Variants in CAMKMT observed in about 807,000 individuals in gnomAD.
CAMKMT encodes the protein calmodulin-lysine N-methyltransferase.
A neutral mutation model predicts 48.0 loss-of-function variants in CAMKMT; 53 were observed. The ratio of observed to expected loss-of-function variants is 1.10; its 90% CI spans 0.89 to 1.39. CAMKMT has a LOEUF of 1.39. Ranked by LOEUF, CAMKMT falls within the 40% of genes most tolerant of loss-of-function variation. The probability of loss-of-function intolerance (pLI) is 0.00; values close to 1 mark genes in which losing one functional copy is unlikely to be tolerated. For missense variants in CAMKMT, 428 were observed against 402.7 expected (o/e 1.06, Z -0.54); for synonymous variants, 165 against 152.3 (o/e 1.08, Z -0.61).
At chr2:44,396,376 A>T (rs561324414) in intron 3 of CAMKMT, among the ~76,000 whole-genome samples, 1 of 152,184 alleles carries the variant, frequency 6.6e-6, no homozygotes, top group African/African-American at 2.4e-5. Context: ...TATTTTCTTT[A>T]TAAAGAGCTC....
At chr2:44,690,780 A>G (rs1411682722) in intron 3 of CAMKMT, among the ~76,000 whole-genome samples, 1 of 152,008 alleles carries the variant, frequency 6.6e-6, no homozygotes, top group African/African-American at 2.4e-5. Flanking sequence ...GTTCGAGACC[A>G]GACTGACTAA....
intron 3 of CAMKMT, among the ~76,000 whole-genome samples, chr2:44,458,822 T>C (rs977256778): frequency 6.6e-6 from 1 of 152,236 alleles, no homozygotes; most frequent in African/African-American, 2.4e-5. Flanking sequence ...AGTGTTTTTT[T>C]TCTTCTTCCT....
chr2:44,708,533 G>A (rs1381708956), intron 6 of CAMKMT, among the ~76,000 whole-genome samples: 3 of 152,114 alleles, frequency 2.0e-5, no homozygotes, highest in Admixed American at 2.0e-4. Context: ...ATTCAGGAAG[G>A]AAAAACAGCC....
chr2:44,530,362 A>G (rs1266018713), intron 3 of CAMKMT, among the ~76,000 whole-genome samples: 2 of 152,236 alleles, frequency 1.3e-5, no homozygotes. Context: ...ACTTAAAAAT[A>G]TTTAATTAAA....
At chr2:44,392,378 T>A (rs376268165) in intron 3 of CAMKMT, among the ~76,000 whole-genome samples, 2 of 152,118 alleles carry the variant, frequency 1.3e-5, no homozygotes, top group East Asian at 3.8e-4. Flanking sequence ...CATTTAATGA[T>A]AAATTGGTAA....
intron 6 of CAMKMT, among the ~76,000 whole-genome samples, chr2:44,709,178 G>A (rs540812776): frequency 4.6e-5 from 7 of 152,104 alleles, no homozygotes; most frequent in Non-Finnish European, 1.0e-4. Flanking sequence ...GAAATGATTG[G>A]TACAGCCCCC....
chr2:44,587,245 A>G (rs1240417151), intron 3 of CAMKMT, among the ~76,000 whole-genome samples: 1 of 152,168 alleles, frequency 6.6e-6, no homozygotes, highest in African/African-American at 2.4e-5. Context: ...GTGACTTCTT[A>G]ACAATACTGA....
At chr2:44,709,666 A>G (rs536427874) in intron 6 of CAMKMT, among the ~76,000 whole-genome samples, 1 of 152,238 alleles carries the variant, frequency 6.6e-6, no homozygotes, top group African/African-American at 2.4e-5. Context: ...TAACTAATTC[A>G]CTGAATCACA....
At chr2:44,428,201 C>T (rs1163043635) in intron 3 of CAMKMT, among the ~76,000 whole-genome samples, 1 of 152,062 alleles carries the variant, frequency 6.6e-6, no homozygotes, top group Non-Finnish European at 1.5e-5. Flanking sequence ...ATGGTGAATG[C>T]GGAGATTTCA....
chr2:44,671,040 A>G (rs1675298596), intron 3 of CAMKMT, among the ~76,000 whole-genome samples: 1 of 152,162 alleles, frequency 6.6e-6, no homozygotes, highest in Non-Finnish European at 1.5e-5. Context: ...ATATTAATAA[A>G]TGCTGCCTTT....
intron 3 of CAMKMT, among the ~76,000 whole-genome samples, chr2:44,577,765 G>A (rs1286282745): frequency 6.6e-6 from 1 of 152,076 alleles, no homozygotes; most frequent in East Asian, 1.9e-4. Context: ...ACTAGAGCCA[G>A]GAAATAGCTC....
At chr2:44,649,483 A>C (rs1022524815) in intron 3 of CAMKMT, among the ~76,000 whole-genome samples, 1 of 152,098 alleles carries the variant, frequency 6.6e-6, no homozygotes, top group African/African-American at 2.4e-5. Flanking sequence ...TACTGAGGTC[A>C]GTCTGAGGGA....
At chr2:44,547,188 A>G (rs565718723) in intron 3 of CAMKMT, among the ~76,000 whole-genome samples, 1 of 152,318 alleles carries the variant, frequency 6.6e-6, no homozygotes, top group African/African-American at 2.4e-5. Flanking sequence ...TTCCAGGTAC[A>G]CAAACCTAGT....
At chr2:44,715,211 AAG>A in intron 6 of CAMKMT, 74 bp from the exon 7 acceptor site, 8 of 944,694 alleles carry the variant, frequency 8.5e-6, no homozygotes, top group Admixed American at 2.5e-5. Context: ...AAAAAAAAAA[AAG>A]ATAACTGTTT....
At chr2:44,390,149 A>C in intron 2 of CAMKMT, 92 bp from the exon 3 acceptor site, 2 of 859,246 alleles carry the variant, frequency 2.3e-6, no homozygotes, top group Non-Finnish European at 3.7e-6. Context: ...TATTGGGTAT[A>C]CCATAATATA....
At chr2:44,730,342 T>G (rs1220981724) in intron 7 of CAMKMT, among the ~76,000 whole-genome samples, 1 of 152,220 alleles carries the variant, frequency 6.6e-6, no homozygotes, top group Non-Finnish European at 1.5e-5. Context: ...TCCACAGTGA[T>G]TACTCCTTTG....
intron 3 of CAMKMT, among the ~76,000 whole-genome samples, chr2:44,602,374 G>A (rs1671046047): frequency 6.6e-6 from 1 of 151,972 alleles, no homozygotes; most frequent in African/African-American, 2.4e-5. Context: ...TAGTGTGAAT[G>A]CACCATAATT....
intron 3 of CAMKMT, among the ~76,000 whole-genome samples, chr2:44,514,692 G>A (rs1015013651): frequency 2.6e-5 from 4 of 152,128 alleles, no homozygotes; most frequent in African/African-American, 4.8e-5. Context: ...CCTAGACTAG[G>A]GCCTGACACA....
At chr2:44,473,900 A>G (rs1021626169) in intron 3 of CAMKMT, among the ~76,000 whole-genome samples, 1 of 152,136 alleles carries the variant, frequency 6.6e-6, no homozygotes, top group African/African-American at 2.4e-5. Flanking sequence ...AAACCTTTCA[A>G]TCCGTAAACT....
Sources: gnomAD v4.1 joint callset for allele counts (sites outside exome capture counted in the v4.1 genomes callset) on GRCh38, gnomAD v4.1.1 for gene constraint, MANE v1.5 for transcripts, NCBI Gene and HGNC (gene_info 2026-07-23, HGNC 2026-07-21) for gene names.